GALNT7: variants seen among roughly 807,000 people sequenced by gnomAD.
GALNT7 encodes polypeptide N-acetylgalactosaminyltransferase 7.
GALNT7 carries 60 observed loss-of-function variants against 82.1 expected under a neutral mutation model. The ratio of observed to expected loss-of-function variants is 0.73; its 90% CI spans 0.59 to 0.91. GALNT7 has a LOEUF of 0.91. GALNT7 is among the 40% of genes least tolerant of loss of function. The pLI, the probability that GALNT7 is intolerant of heterozygous loss-of-function variation, is 0.00. For synonymous variants in GALNT7, 243 were observed against 275.1 expected (o/e 0.88, Z 1.15); for missense variants, 660 against 804.2 (o/e 0.82, Z 2.17).
intron 9 of GALNT7, chr4:173,316,876 C>T (rs192769376): frequency 6.6e-6 from 1 of 152,414 alleles, no homozygotes; most frequent in Non-Finnish European, 1.5e-5. Context: ...TACATTCACA[C>T]CTCTGTCCTG....
rs199693622 is a variant in GALNT7, at chr4:173,318,396, C to T, written c.1708-35C>T. ...CAAATGCACATCAGCAGGGAAGGTG[C>T]CTCTGTTACTTAATTCTCTCTTTTC... On this transcript the variant is annotated intron_variant, in intron 10 of 11. Transcript: ENST00000265000. 58 of 1,556,756 alleles carry T rather than the reference C, an allele frequency of 3.7e-5. No homozygotes were observed. In the East Asian group the frequency reaches 1.3e-3, roughly 35 times the overall value.
At chr4:173,235,771 G>A (rs1162818459) in intron 1 of GALNT7, among the ~76,000 whole-genome samples, 2 of 152,162 alleles carry the variant, frequency 1.3e-5, no homozygotes, top group East Asian at 3.9e-4. Context: ...AGCCAGGATG[G>A]TGTCGATCTC....
intron 1 of GALNT7, among the ~76,000 whole-genome samples, chr4:173,172,348 A>T (rs1731904719): frequency 6.6e-6 from 1 of 152,098 alleles, no homozygotes; most frequent in African/African-American, 2.4e-5. Flanking sequence ...TTTTTCCCTT[A>T]CAATTTGAGC....
At chr4:173,321,471 G>A (rs1737813839) in intron 11 of GALNT7, 109 bp from the exon 12 acceptor site, 6 of 744,786 alleles carry the variant, frequency 8.1e-6, no homozygotes, top group Non-Finnish European at 1.4e-5. Context: ...TGGTTGAGAA[G>A]CTTTTCCATT....
intron 2 of GALNT7, among the ~76,000 whole-genome samples, chr4:173,250,741 G>A (rs1174063478): frequency 2.6e-5 from 4 of 152,066 alleles, no homozygotes; most frequent in African/African-American, 9.7e-5. Flanking sequence ...ACGTGCAGCA[G>A]CCCCCACGCT....
chr4:173,188,609 G>A (rs1242482677), intron 1 of GALNT7, among the ~76,000 whole-genome samples: 1 of 152,220 alleles, frequency 6.6e-6, no homozygotes, highest in Non-Finnish European at 1.5e-5. Context: ...TGAGAGAAGA[G>A]AAAGCGCTGT....
At chr4:173,204,038 A>C (rs1733020227) in intron 1 of GALNT7, among the ~76,000 whole-genome samples, 1 of 152,144 alleles carries the variant, frequency 6.6e-6, no homozygotes, top group African/African-American at 2.4e-5. Context: ...TAACTCCCTC[A>C]GCTTTTGTTT....
intron 1 of GALNT7, among the ~76,000 whole-genome samples, chr4:173,184,307 A>C (rs865836113): frequency 4.6e-5 from 7 of 152,102 alleles, no homozygotes; most frequent in Non-Finnish European, 8.8e-5. Context: ...AGCCTGGGCA[A>C]CATTGAGCAC....
At chr4:173,305,684 A>G (rs1026986450) in intron 8 of GALNT7, among the ~76,000 whole-genome samples, 5 of 152,068 alleles carry the variant, frequency 3.3e-5, no homozygotes, top group South Asian at 2.1e-4. Context: ...CTCAGCATCT[A>G]CCTTGAAAAT....
At chr4:173,256,569 T>C (rs1735046532) in intron 2 of GALNT7, among the ~76,000 whole-genome samples, 1 of 146,830 alleles carries the variant, frequency 6.8e-6, no homozygotes, top group African/African-American at 2.5e-5. Flanking sequence ...CTTCCTTCCT[T>C]CCCGTATTTT....
In GALNT7 at chr4:173,321,879, A is replaced by G. The variant is rs1737833062; in HGVS notation, c.*162A>G. On this transcript the variant is annotated 3_prime_UTR_variant, in exon 12 of 12. Transcript: ENST00000265000. ...GACATTGATAAACTGTGATTTTACA[A>G]TAACATTATCATCTGCAGTTACTGT... The G allele has an allele frequency of 3.6e-6, 2 of 552,356 alleles. No individual in the cohort carries two copies. The highest frequency in any genetic ancestry group is 2.9e-5 in the East Asian group (1 of 34,756). 34.2% of individuals were successfully genotyped at this position (552,356 alleles called of 1,614,324 possible). A position where few individuals can be genotyped will look rare whatever the true frequency, so the allele number is the denominator to read the frequency against.
intron 1 of GALNT7, among the ~76,000 whole-genome samples, chr4:173,225,504 G>T (rs72995615): frequency 0.033 from 5,024 of 152,120 alleles, 269 homozygotes; most frequent in African/African-American, 0.11. Context: ...TTTAAAACAG[G>T]ATTTAAAACA....
rs1028385360 is a variant in GALNT7 at position 173,273,647 on chromosome 4, C to T, written c.588-18461C>T. ...TGGGGTGGTGCGTTCATAGTGTGCTCATTGTCAGTCGTACCCCAGAACTGT... is the reference window on the plus strand; with the variant it reads ...TGGGGTGGTGCGTTCATAGTGTGCTTATTGTCAGTCGTACCCCAGAACTGT... On this transcript the variant is annotated intron_variant, in intron 2 of 11. Coordinates refer to ENST00000265000, the MANE Select transcript of GALNT7 (RefSeq NM_017423.3). Among the ~76,000 whole-genome samples, 16 of 152,310 alleles carry T rather than the reference C, an allele frequency of 1.1e-4. 1 individual carries two copies. Among genetic ancestry groups the T allele is most frequent in the African/African-American group, 3.4e-4 (14 of 41,566 alleles).
In GALNT7 at chr4:173,313,938, TATATA is replaced by T; in HGVS notation, c.1390-19_1390-15del. On this transcript the variant is annotated splice_polypyrimidine_tract_variant and intron_variant, in intron 8 of 11. Coordinates refer to ENST00000265000, the MANE Select transcript of GALNT7 (RefSeq NM_017423.3). ...TTGTATTTTTATAACGATATATATATATATATTTTTTTTTTACAGAATTATGTTAG... is the reference window on the plus strand; with the variant it reads ...TTGTATTTTTATAACGATATATATATTTTTTTTTTTACAGAATTATGTTAG... The T allele has an allele frequency of 1.9e-6, 2 of 1,072,280 alleles. No individual in the cohort carries two copies. Among genetic ancestry groups the T allele is most frequent in the Non-Finnish European group, 2.8e-6 (2 of 726,420 alleles). The allele number at this position is 1,072,280 out of a possible 1,614,324, so 66.4% of individuals were successfully genotyped here. A position where few individuals can be genotyped will look rare whatever the true frequency, so the allele number is the denominator to read the frequency against.
chr4:173,194,329 C>G (rs1194236409), intron 1 of GALNT7, among the ~76,000 whole-genome samples: 3 of 152,172 alleles, frequency 2.0e-5, no homozygotes, highest in Admixed American at 6.5e-5. Flanking sequence ...TTAAAGAAGG[C>G]AATTTACTTA....
chr4:173,248,082 G>A lies in GALNT7; in HGVS notation c.229G>A (p.Gly77Arg). ...KPVVPWPHVEGVEVDLESIRR... is the reference protein window; with the variant it reads ...KPVVPWPHVERVEVDLESIRR... ...TGTGGTACCATGGCCTCATGTTGAA[G>A]GAGTAGAAGTGGACTTAGAGTCTAT... is the stretch of plus-strand genomic sequence containing the variant. Residue 77 changes from glycine (G) to arginine (R), a missense_variant, in exon 2 of 12, where the codon GGA becomes AGA. Coordinates refer to ENST00000265000, the MANE Select transcript of GALNT7 (RefSeq NM_017423.3). 3 of 1,613,634 alleles carry A rather than the reference G, an allele frequency of 1.9e-6. No homozygotes were observed. The highest frequency in any genetic ancestry group is 2.2e-5 in the South Asian group (2 of 91,080).
At chr4:173,234,196 C>T (rs577236237) in intron 1 of GALNT7, among the ~76,000 whole-genome samples, 2 of 152,354 alleles carry the variant, frequency 1.3e-5, no homozygotes, top group South Asian at 4.1e-4. Context: ...TCTATAGTCT[C>T]ACCCTCTTCC....
At chr4:173,206,402 T>C (rs1349675414) in intron 1 of GALNT7, among the ~76,000 whole-genome samples, 5 of 152,202 alleles carry the variant, frequency 3.3e-5, no homozygotes, top group Non-Finnish European at 7.3e-5. Flanking sequence ...GTAGTTCAGA[T>C]TGATATTTCT....
chr4:173,210,634 C>T (rs1241203141), intron 1 of GALNT7, among the ~76,000 whole-genome samples: 1 of 151,812 alleles, frequency 6.6e-6, no homozygotes, highest in Non-Finnish European at 1.5e-5. Flanking sequence ...GGTTTCACCA[C>T]GTTGCCCAAG....
Sources: allele counts gnomAD v4.1 joint callset (sites outside exome capture counted in the v4.1 genomes callset), GRCh38; gene constraint gnomAD v4.1.1; transcripts MANE v1.5; gene names NCBI Gene and HGNC (gene_info 2026-07-23, HGNC 2026-07-21).